Variants in MAP7 observed in about 807,000 individuals in gnomAD.
The protein encoded by MAP7 is microtubule associated protein 7.
In MAP7, 52 loss-of-function variants were observed where a neutral mutation model predicts 94.8. That is an observed-to-expected ratio of 0.55 (90% confidence interval 0.44 to 0.69). MAP7 has a LOEUF of 0.69. Ranked by LOEUF, MAP7 falls within the 30% of genes least tolerant of loss-of-function variation. The pLI, the probability that MAP7 is intolerant of heterozygous loss-of-function variation, is 0.00. For missense variants in MAP7, 940 were observed against 964.6 expected (o/e 0.97, Z 0.34); for synonymous variants, 350 against 357.0 (o/e 0.98, Z 0.22).
At chr6:136,527,837 G>A (rs1329827989) in intron 1 of MAP7, among the ~76,000 whole-genome samples, 1 of 151,694 alleles carries the variant, frequency 6.6e-6, no homozygotes, top group Non-Finnish European at 1.5e-5. Flanking sequence ...AACACATGCT[G>A]AAAAAAATAA....
chr6:136,427,635 T>C (rs1793556027), intron 1 of MAP7, among the ~76,000 whole-genome samples: 1 of 152,320 alleles, frequency 6.6e-6, no homozygotes, highest in Admixed American at 6.5e-5. Flanking sequence ...TGACAAAACA[T>C]AAAAAACTAA....
At chr6:136,371,650 A>G (rs1232399362) in intron 8 of MAP7, among the ~76,000 whole-genome samples, 1 of 152,222 alleles carries the variant, frequency 6.6e-6, no homozygotes, top group Non-Finnish European at 1.5e-5. Context: ...CCTTTCATCA[A>G]AAGGGTCATA....
chr6:136,413,039 G>C (rs1469819059), intron 2 of MAP7, among the ~76,000 whole-genome samples: 1 of 152,168 alleles, frequency 6.6e-6, no homozygotes, highest in Non-Finnish European at 1.5e-5. Context: ...GCGTGCGCCT[G>C]TAGTCCCAGC....
chr6:136,388,787 T>A (rs17722849), intron 4 of MAP7, among the ~76,000 whole-genome samples: 1 of 152,172 alleles, frequency 6.6e-6, no homozygotes, highest in Non-Finnish European at 1.5e-5. Flanking sequence ...TGAACACACG[T>A]AAGCATGGTA....
At position 136,356,610 on chromosome 6, in the gene MAP7, A is replaced by C. The variant is rs545527105; in HGVS notation, c.2015+82T>G. On this transcript the variant is annotated intron_variant, in intron 16 of 17. Coordinates refer to ENST00000354570, the MANE Select transcript of MAP7 (RefSeq NM_003980.6). Reference sequence around the variant, plus strand: ...GGCCCCCCCCAAATAATAAATCCTAATGTTAAGACTTTGAAATTCTGGTGG... The same window carrying C: ...GGCCCCCCCCAAATAATAAATCCTACTGTTAAGACTTTGAAATTCTGGTGG... 68 of 1,076,144 alleles carry C rather than the reference A, an allele frequency of 6.3e-5. No individual in the cohort carries two copies. The African/African-American group carries it at 9.2e-4, about 14-fold the overall frequency. The allele number at this position is 1,076,144 out of a possible 1,614,324, so 66.7% of individuals were successfully genotyped here. A position where few individuals can be genotyped will look rare whatever the true frequency, so the allele number is the denominator to read the frequency against.
chr6:136,461,859 T>TA (rs1318324993), intron 1 of MAP7, among the ~76,000 whole-genome samples: 15 of 152,166 alleles, frequency 9.9e-5, no homozygotes, highest in African/African-American at 3.4e-4. Flanking sequence ...CCTTGGGTAT[T>TA]AAAAAGTAGA....
intron 1 of MAP7, among the ~76,000 whole-genome samples, chr6:136,514,743 C>T (rs2129037712): frequency 6.6e-6 from 1 of 152,210 alleles, no homozygotes; most frequent in South Asian, 2.1e-4. Flanking sequence ...GTCAGTACAC[C>T]ATGCTATAAA....
chr6:136,451,488 A>T (rs1801107370), intron 1 of MAP7, among the ~76,000 whole-genome samples: 2 of 152,202 alleles, frequency 1.3e-5, no homozygotes. Flanking sequence ...CATCCAAGTG[A>T]TCTGATGGAG....
chr6:136,545,233 C>T (rs1037622102), intron 1 of MAP7: 1 of 151,900 alleles, frequency 6.6e-6, no homozygotes, highest in Non-Finnish European at 1.5e-5. Flanking sequence ...CTTCATTGAT[C>T]TCCAGAGATT....
chr6:136,380,783 A>G (rs1225874026), intron 6 of MAP7, among the ~76,000 whole-genome samples: 3 of 152,236 alleles, frequency 2.0e-5, no homozygotes, highest in African/African-American at 7.2e-5. Flanking sequence ...TGTAATAATT[A>G]AAATATTTAA....
chr6:136,381,919 C>CACACACAGAGAGAG (rs373754692), intron 6 of MAP7, among the ~76,000 whole-genome samples: 9 of 103,032 alleles, frequency 8.7e-5, no homozygotes, highest in African/African-American at 3.5e-4. Flanking sequence ...CACACACACA[C>CACACACAGAGAGAG]AGAGAGAGAG....
At chr6:136,416,612 C>T (rs919833140) in intron 2 of MAP7, among the ~76,000 whole-genome samples, 2 of 152,090 alleles carry the variant, frequency 1.3e-5, no homozygotes, top group African/African-American at 4.8e-5. Context: ...TCAAGACCAG[C>T]CTGGGCAACA....
chr6:136,425,828 A>G, intron 1 of MAP7, among the ~76,000 whole-genome samples: 1 of 152,212 alleles, frequency 6.6e-6, no homozygotes, highest in Non-Finnish European at 1.5e-5. Context: ...TATGGGAGTT[A>G]GCATAAGACA....
rs747565014 is a variant in MAP7 at position 136,389,407 on chromosome 6, G to A, written c.355C>T (p.Arg119Trp). The A allele has an allele frequency of 1.3e-5, 21 of 1,586,232 alleles. No homozygotes were observed. Among genetic ancestry groups the A allele is most frequent in the East Asian group, 1.1e-4 (5 of 43,552 alleles). Residue 119 changes from arginine to tryptophan, a missense_variant, in exon 4 of 18, where the codon CGG becomes TGG. By Grantham distance (101) the Arg-to-Trp change is moderately radical. Transcript: ENST00000354570. ...RLEEQRQKEE[R>W]RRAAVEEKRR... The stretch of plus-strand genomic sequence containing the variant: ...TTCTCCTCCACAGCAGCCCTCCTCC[G>A]CTCCTCCTTCTGCCTCTGCTCCTCC...
chr6:136,456,767 G>GGAGGAGGAAGAAGAAGAA (rs1179338276), intron 1 of MAP7, among the ~76,000 whole-genome samples: 45 of 60,588 alleles, frequency 7.4e-4, no homozygotes, highest in African/African-American at 1.7e-3. Flanking sequence ...AGGAGGAGGA[G>GGAGGAGGAAGAAGAAGAA]GAAGAAGAAG....
intron 16 of MAP7, among the ~76,000 whole-genome samples, chr6:136,354,899 T>C (rs1790434829): frequency 6.6e-6 from 1 of 152,220 alleles, no homozygotes; most frequent in Non-Finnish European, 1.5e-5. Context: ...AAATTAACTT[T>C]ATAGATCAGA....
At chr6:136,399,099 G>A (rs756303886) in intron 3 of MAP7, among the ~76,000 whole-genome samples, 14 of 152,172 alleles carry the variant, frequency 9.2e-5, no homozygotes, top group Non-Finnish European at 1.5e-4. Context: ...GGGTAACACT[G>A]GCTACCAGAG....
At chr6:136,407,884 CA>C (rs1272542037) in intron 3 of MAP7, among the ~76,000 whole-genome samples, 2 of 151,786 alleles carry the variant, frequency 1.3e-5, no homozygotes. Flanking sequence ...GTCTTGGGGC[CA>C]AAAAAACCCA....
At chr6:136,483,006 A>T (rs1223309204) in intron 1 of MAP7, among the ~76,000 whole-genome samples, 1 of 151,986 alleles carries the variant, frequency 6.6e-6, no homozygotes, top group Admixed American at 6.6e-5. Context: ...CTATTGATTG[A>T]ATTCTTTGTC....
Sources: gnomAD v4.1 joint callset for allele counts (sites outside exome capture counted in the v4.1 genomes callset) on GRCh38, gnomAD v4.1.1 for gene constraint, MANE v1.5 for transcripts, NCBI Gene and HGNC (gene_info 2026-07-23, HGNC 2026-07-21) for gene names.